The following MEAK7 variants were observed in gnomAD, a reference collection of about 807,000 sequenced individuals.
MEAK7 encodes the protein MTOR-associated protein MEAK7.
In MEAK7, 68 loss-of-function variants were observed where a neutral mutation model predicts 40.5. The ratio of observed to expected loss-of-function variants is 1.68; its 90% confidence interval spans 1.38 to 2.06. The LOEUF is 2.06. Ranked by LOEUF, MEAK7 falls within the 30% of genes most tolerant of loss-of-function variation. The probability of loss-of-function intolerance (pLI) is 0.00; values close to 1 mark genes in which losing one functional copy is unlikely to be tolerated. For synonymous variants in MEAK7, 338 were observed against 231.9 expected (o/e 1.46, Z -4.16); for missense variants, 918 against 580.5 (o/e 1.58, Z -5.98).
chr16:84,487,430 G>A (rs16973954), intron 4 of MEAK7: 2,250 of 180,470 alleles, frequency 0.012, 70 homozygotes, highest in African/African-American at 0.049. Context: ...TAAACAATCC[G>A]ACTTCAACAC....
At chr16:84,491,849 AAG>A (rs1249544404) in intron 3 of MEAK7, among the ~76,000 whole-genome samples, 1 of 152,006 alleles carries the variant, frequency 6.6e-6, no homozygotes, top group Non-Finnish European at 1.5e-5. Context: ...AAAAAAAAAA[AAG>A]AAAAGAAAAA....
chr16:84,496,004 A>T, intron 2 of MEAK7, 91 bp from the exon 3 acceptor site: 1 of 1,391,278 alleles, frequency 7.2e-7, no homozygotes, highest in Non-Finnish European at 9.9e-7. Context: ...TAGAGAGGAA[A>T]AGGGGTCCTT....
At chr16:84,487,222 C>G (rs1333144912) in intron 4 of MEAK7, 163 bp from the exon 5 acceptor site, 2 of 558,864 alleles carry the variant, frequency 3.6e-6, no homozygotes, top group East Asian at 5.9e-5. Context: ...GTAAAAGGCA[C>G]ACTTGATTTC....
chr16:84,485,737 C>T (rs985374087), intron 5 of MEAK7, among the ~76,000 whole-genome samples: 9 of 152,154 alleles, frequency 5.9e-5, no homozygotes, highest in African/African-American at 1.7e-4. Context: ...GGCTGGAGTG[C>T]GGTGGTATGA....
At chr16:84,485,714 G>A (rs989507237) in intron 5 of MEAK7, among the ~76,000 whole-genome samples, 6 of 145,950 alleles carry the variant, frequency 4.1e-5, no homozygotes, top group Admixed American at 6.8e-5. Context: ...ATGGAGTCTC[G>A]CTCTGTTGCT....
intron 3 of MEAK7, among the ~76,000 whole-genome samples, chr16:84,490,133 GT>G (rs1264405403): frequency 3.9e-5 from 6 of 152,166 alleles, no homozygotes; most frequent in Non-Finnish European, 8.8e-5. Flanking sequence ...TTGCTGAACT[GT>G]TTTTATTTGT....
At chr16:84,490,579 C>A (rs983084941) in intron 3 of MEAK7, among the ~76,000 whole-genome samples, 1 of 144,736 alleles carries the variant, frequency 6.9e-6, no homozygotes, top group Non-Finnish European at 1.5e-5. Flanking sequence ...AGGTAAAATA[C>A]GGTAGTAAAA....
chr16:84,479,911 C>A lies in MEAK7; in HGVS notation c.*2G>T, dbSNP rs202228300. On this transcript the variant is annotated 3_prime_UTR_variant, in exon 8 of 8. Coordinates refer to ENST00000343629, the MANE Select transcript of MEAK7 (RefSeq NM_020947.4). ...TGGCTCCAGGAAGGCTCAGGCGGCT[C>A]CTCATTCATCGTCCGGGACTTCCCG... 6.3e-7 allele frequency: 1 copy of A among 1,592,326 alleles called. No homozygotes were observed. Among genetic ancestry groups the A allele is most frequent in the African/African-American group, 1.3e-5 (1 of 74,478 alleles).
At chr16:84,498,186 T>A (rs530761238) in intron 1 of MEAK7, 75 bp from the exon 2 acceptor site, 4 of 1,493,022 alleles carry the variant, frequency 2.7e-6, no homozygotes, top group Middle Eastern at 1.8e-4. Flanking sequence ...GAGAATTATA[T>A]GGTCAAGTTA....
intron 1 of MEAK7, chr16:84,503,849 G>A: frequency 1.2e-6 from 1 of 833,256 alleles, no homozygotes; most frequent in Non-Finnish European, 1.4e-6. Context: ...CCTGCTCAGA[G>A]CTTCTCCAAC....
intron 6 of MEAK7, among the ~76,000 whole-genome samples, chr16:84,482,257 G>A (rs757622263): frequency 6.6e-6 from 1 of 152,236 alleles, no homozygotes; most frequent in Non-Finnish European, 1.5e-5. Context: ...AGGCAGGCCA[G>A]CGACGCGCAG....
At chr16:84,502,919 G>T (rs8055302) in intron 1 of MEAK7, 3,383 of 152,258 alleles carry the variant, frequency 0.022, 79 homozygotes, top group African/African-American at 0.056. Context: ...TGACCAAGAT[G>T]TTTTGCTTGA....
chr16:84,485,115 A>G (rs1912919147), intron 5 of MEAK7, among the ~76,000 whole-genome samples: 1 of 152,166 alleles, frequency 6.6e-6, no homozygotes, highest in Non-Finnish European at 1.5e-5. Context: ...TGGTGGGCAC[A>G]TGCCCTATGC....
intron 3 of MEAK7, among the ~76,000 whole-genome samples, chr16:84,491,187 C>G (rs905919949): frequency 6.6e-6 from 1 of 152,188 alleles, no homozygotes; most frequent in Non-Finnish European, 1.5e-5. Flanking sequence ...CGCCTGTAAT[C>G]CCTCCACTTT....
In MEAK7 at chr16:84,480,613, G is replaced by A. The variant is rs1277897014; in HGVS notation, c.1173C>T (p.Asn391=). The part of the protein sequence containing the change: ...SRAKPTCTTY[N]SPQLSAQENF... ...TCTCCTGAGCCGACAGCTGCGGGCTGTTGTACGTGGTGCACGTGGGCTTGG... is the reference window on the plus strand; with the variant it reads ...TCTCCTGAGCCGACAGCTGCGGGCTATTGTACGTGGTGCACGTGGGCTTGG... The change falls in exon 7 of 8, where the codon AAC becomes AAT. Residue 391 remains asparagine, a synonymous_variant. Transcript: ENST00000343629. 2 of 1,613,962 alleles carry A rather than the reference G, an allele frequency of 1.2e-6. No homozygotes were observed. Among genetic ancestry groups the A allele is most frequent in the East Asian group, 2.2e-5 (1 of 44,888 alleles).
At chr16:84,483,071 G>A (rs964691724) in intron 5 of MEAK7, among the ~76,000 whole-genome samples, 23 of 152,154 alleles carry the variant, frequency 1.5e-4, no homozygotes, top group African/African-American at 4.3e-4. Context: ...TGGTCACTCC[G>A]CAGAGACTGA....
chr16:84,495,860 G>A lies in MEAK7; in HGVS notation c.207C>T (p.Gly69=), dbSNP rs764422145. ...PPEMVTRLYD[G]MRRVDLTGKA... is the part of the protein sequence containing the mutation. ...TCCCTGTCAGGTCGACCCTCCGCAT[G>A]CCATCATACAGCCTGGTGACCATCT... Residue 69 remains glycine, a synonymous_variant, in exon 3 of 8, where the codon GGC becomes GGT. Coordinates refer to ENST00000343629, the MANE Select transcript of MEAK7 (RefSeq NM_020947.4). 7 of 1,614,054 alleles carry A rather than the reference G, an allele frequency of 4.3e-6. No homozygotes were observed. The South Asian group carries it at 4.4e-5, about 10-fold the overall frequency.
rs533701937 is a variant in MEAK7 at position 84,486,782 on chromosome 16, G to A, written c.807C>T (p.Leu269=). ...TGTGTCCATGGAGCTCAGACGAAAA[G>A]AGCAGGCACCAGCGGTGCCGCTGCT... ...PREQRHRWCL[L]FSSELHGHSF... The change falls in exon 5 of 8, where the codon CTC becomes CTT. Residue 269 remains leucine (L), a synonymous_variant. Transcript: ENST00000343629. The A allele has an allele frequency of 3.1e-6, 5 of 1,613,920 alleles. No homozygotes were observed. The highest frequency in any genetic ancestry group is 1.7e-5 in the Admixed American group (1 of 60,004).
chr16:84,485,000 T>C (rs1356219816), intron 5 of MEAK7, among the ~76,000 whole-genome samples: 3 of 152,248 alleles, frequency 2.0e-5, no homozygotes, highest in Non-Finnish European at 2.9e-5. Flanking sequence ...GCAGCAGCTT[T>C]ACCCTGATCA....
Sources: gnomAD v4.1 joint callset for allele counts (sites outside exome capture counted in the v4.1 genomes callset) on GRCh38, gnomAD v4.1.1 for gene constraint, MANE v1.5 for transcripts, NCBI Gene and HGNC (gene_info 2026-07-23, HGNC 2026-07-21) for gene names.